CATSPERT: variants seen among roughly 807,000 people sequenced by gnomAD.
CATSPERT encodes cation channel sperm-associated targeting subunit tau.
chr2:201,543,988 C>CCTAATATACCCTCCCCA, the CATSPERT span, among the ~76,000 whole-genome samples: 8 of 152,066 alleles, frequency 5.3e-5, no homozygotes, highest in Non-Finnish European at 1.2e-4. Context: ...AGGTATATCA[C>CCTAATATACCCTCCCCA]CTAATGCTAT....
the CATSPERT span, chr2:201,493,800 G>A: frequency 7.7e-5 from 118 of 1,536,260 alleles, no homozygotes; most frequent in East Asian, 1.6e-3. Flanking sequence ...TAGGTACTTC[G>A]CTTATTAAAT....
chr2:201,498,701 T>C, the CATSPERT span, among the ~76,000 whole-genome samples: 2 of 152,110 alleles, frequency 1.3e-5, no homozygotes, highest in Non-Finnish European at 2.9e-5. Flanking sequence ...GGAATGTCCA[T>C]AGTTATTAAA....
chr2:201,610,914 T>C, the CATSPERT span, among the ~76,000 whole-genome samples: 1 of 152,028 alleles, frequency 6.6e-6, no homozygotes, highest in Non-Finnish European at 1.5e-5. Context: ...TTTGATAAAA[T>C]TCAATATCCC....
the CATSPERT span, among the ~76,000 whole-genome samples, chr2:201,518,664 C>T: frequency 3.3e-5 from 5 of 152,128 alleles, no homozygotes; most frequent in African/African-American, 9.7e-5. Context: ...TTCAGTAAGT[C>T]GCAATGTTTG....
At chr2:201,615,769 C>G in the CATSPERT span, among the ~76,000 whole-genome samples, 1 of 152,050 alleles carries the variant, frequency 6.6e-6, no homozygotes, top group Non-Finnish European at 1.5e-5. Flanking sequence ...AATCCAGGAG[C>G]TGGTTTTCTG....
At chr2:201,513,411 T>C in the CATSPERT span, among the ~76,000 whole-genome samples, 4 of 152,124 alleles carry the variant, frequency 2.6e-5, no homozygotes, top group African/African-American at 7.2e-5. Context: ...ATGGCTATTA[T>C]TAAAATGTCA....
At chr2:201,590,031 A>G in the CATSPERT span, among the ~76,000 whole-genome samples, 3 of 151,908 alleles carry the variant, frequency 2.0e-5, no homozygotes, top group African/African-American at 7.3e-5. Flanking sequence ...CATGTGCACA[A>G]TGTGCAGGTT....
chr2:201,614,820 A>T, the CATSPERT span, among the ~76,000 whole-genome samples: 1 of 152,098 alleles, frequency 6.6e-6, no homozygotes, highest in Non-Finnish European at 1.5e-5. Context: ...GACCTATCTC[A>T]CGTACAGAGA....
the CATSPERT span, chr2:201,535,185 A>C: frequency 1.0e-6 from 1 of 984,628 alleles, no homozygotes; most frequent in Non-Finnish European, 1.2e-6. Context: ...TTTGGGAGAG[A>C]ATTTAGAAAT....
At chr2:201,600,452 G>A in the CATSPERT span, among the ~76,000 whole-genome samples, 2 of 152,088 alleles carry the variant, frequency 1.3e-5, no homozygotes, top group African/African-American at 4.8e-5. Flanking sequence ...GGAGGGCTGG[G>A]GAAGGGATAG....
chr2:201,610,870 A>G, the CATSPERT span, among the ~76,000 whole-genome samples: 2 of 152,208 alleles, frequency 1.3e-5, no homozygotes, highest in Non-Finnish European at 2.9e-5. Context: ...TAAGGGCAAA[A>G]ACCAAATGAT....
the CATSPERT span, chr2:201,552,918 A>G: frequency 6.6e-6 from 1 of 152,178 alleles, no homozygotes; most frequent in Non-Finnish European, 1.5e-5. Flanking sequence ...CACGTACAGG[A>G]ATATTATTAA....
the CATSPERT span, among the ~76,000 whole-genome samples, chr2:201,568,008 C>A: frequency 6.6e-6 from 1 of 152,124 alleles, no homozygotes; most frequent in South Asian, 2.1e-4. Flanking sequence ...AAAGGAGGAA[C>A]AGATTACCTC....
At chr2:201,570,825 T>A in the CATSPERT span, among the ~76,000 whole-genome samples, 1 of 152,168 alleles carries the variant, frequency 6.6e-6, no homozygotes, top group African/African-American at 2.4e-5. Flanking sequence ...AGAGAATGTG[T>A]CCCCTCACTC....
At chr2:201,617,228 A>C in the CATSPERT span, among the ~76,000 whole-genome samples, 1 of 152,208 alleles carries the variant, frequency 6.6e-6, no homozygotes, top group Admixed American at 6.5e-5. Flanking sequence ...ATATGGAACC[A>C]AAAAAGAGCC....
At chr2:201,589,054 T>C in the CATSPERT span, among the ~76,000 whole-genome samples, 12 of 151,892 alleles carry the variant, frequency 7.9e-5, no homozygotes. Flanking sequence ...ACTAGAGAGG[T>C]GAAAGATCTC....
the CATSPERT span, among the ~76,000 whole-genome samples, chr2:201,510,708 A>T: frequency 2.8e-5 from 4 of 144,590 alleles, no homozygotes; most frequent in Admixed American, 2.7e-4. Context: ...ACGTCATATT[A>T]AAAAAAATCA....
chr2:201,493,716 T>G, the CATSPERT span: 1 of 1,537,414 alleles, frequency 6.5e-7, no homozygotes, highest in Non-Finnish European at 8.7e-7. Flanking sequence ...TCTCCAATTC[T>G]GAGAATATTG....
the CATSPERT span, among the ~76,000 whole-genome samples, chr2:201,515,119 A>C: frequency 6.6e-6 from 1 of 151,442 alleles, no homozygotes; most frequent in Non-Finnish European, 1.5e-5. Flanking sequence ...TCACACTCAA[A>C]AAAATTAAAA....
Sources: gnomAD v4.1 joint callset for allele counts (sites outside exome capture counted in the v4.1 genomes callset) on GRCh38, gnomAD v4.1.1 for gene constraint, MANE v1.5 for transcripts, NCBI Gene and HGNC (gene_info 2026-07-23, HGNC 2026-07-21) for gene names.